FAM81A: variants seen among roughly 807,000 people sequenced by gnomAD.
FAM81A encodes protein FAM81A.
In FAM81A, 19 loss-of-function variants were observed where a neutral mutation model predicts 46.7. The ratio of observed to expected loss-of-function variants is 0.41; its 90% CI spans 0.28 to 0.60. The LOEUF is 0.60. Among genes scored for constraint, FAM81A ranks in the 20% least tolerant of loss-of-function variants. FAM81A has a pLI of 0.34. For missense variants in FAM81A, 377 were observed against 453.5 expected (o/e 0.83, Z 1.53); for synonymous variants, 183 against 152.9 (o/e 1.20, Z -1.45).
At chr15:59,418,395 T>A (rs2081156298) in intron 2 of FAM81A, among the ~76,000 whole-genome samples, 2 of 152,336 alleles carry the variant, frequency 1.3e-5, no homozygotes, top group South Asian at 4.1e-4. Flanking sequence ...CCCTGCCTTT[T>A]CCTGTTTAGA....
chr15:59,477,440 A>G (rs2081786643), intron 3 of FAM81A, among the ~76,000 whole-genome samples: 1 of 152,202 alleles, frequency 6.6e-6, no homozygotes, highest in Non-Finnish European at 1.5e-5. Flanking sequence ...TTAAGATGTG[A>G]AACTTACTGC....
At chr15:59,482,418 G>A (rs899150016) in intron 3 of FAM81A, among the ~76,000 whole-genome samples, 5 of 152,064 alleles carry the variant, frequency 3.3e-5, no homozygotes, top group East Asian at 1.9e-4. Flanking sequence ...ACAGGTGCCC[G>A]CCACCATGCC....
intron 4 of FAM81A, among the ~76,000 whole-genome samples, chr15:59,503,462 A>C (rs1489125393): frequency 1.3e-5 from 2 of 151,976 alleles, no homozygotes; most frequent in Non-Finnish European, 2.9e-5. Context: ...CTGCAACATA[A>C]GTTTTTCCAC....
At chr15:59,483,561 A>C (rs959589641) in intron 3 of FAM81A, among the ~76,000 whole-genome samples, 1 of 152,132 alleles carries the variant, frequency 6.6e-6, no homozygotes, top group East Asian at 1.9e-4. Flanking sequence ...TTACATCTCT[A>C]CTTGGGCTTT....
intron 2 of FAM81A, among the ~76,000 whole-genome samples, chr15:59,423,095 A>G (rs1240829313): frequency 6.6e-6 from 1 of 151,864 alleles, no homozygotes. Context: ...ATTATTTTTT[A>G]TTTTTTAATT....
chr15:59,507,161 C>A, intron 4 of FAM81A, 52 bp from the exon 5 acceptor site: 1 of 1,563,796 alleles, frequency 6.4e-7, no homozygotes, highest in African/African-American at 1.4e-5. Context: ...GAAGCTTTTG[C>A]GCATTGTTTT....
intron 1 of FAM81A, among the ~76,000 whole-genome samples, chr15:59,399,449 T>G (rs1225137092): frequency 6.6e-6 from 1 of 152,024 alleles, no homozygotes; most frequent in African/African-American, 2.4e-5. Context: ...GTGTAGACGA[T>G]TAGCAGTCTC....
intron 2 of FAM81A, among the ~76,000 whole-genome samples, chr15:59,404,269 C>G (rs1469036451): frequency 1.3e-5 from 2 of 152,004 alleles, no homozygotes; most frequent in South Asian, 2.1e-4. Flanking sequence ...ATACACGAGG[C>G]CTAAGTGGGA....
At chr15:59,471,307 C>T (rs1011244969) in intron 3 of FAM81A, among the ~76,000 whole-genome samples, 1 of 152,150 alleles carries the variant, frequency 6.6e-6, no homozygotes, top group Non-Finnish European at 1.5e-5. Context: ...TTGTTAGGCT[C>T]ATATACATTT....
chr15:59,408,125 C>T (rs2081104805), intron 2 of FAM81A: 1 of 158,038 alleles, frequency 6.3e-6, no homozygotes, highest in African/African-American at 2.4e-5. Context: ...GAGCCACCTT[C>T]TTCCCCTTGG....
In FAM81A at chr15:59,514,311, C is replaced by G. The variant is rs1418916316; in HGVS notation, c.673C>G (p.Leu225Val). The G allele has an allele frequency of 6.2e-7, 1 of 1,607,514 alleles. No homozygotes were observed. Residue 225 changes from leucine (L) to valine (V), a missense_variant, in exon 7 of 9, where the codon CTC becomes GTC. By Grantham distance (32) the Leu-to-Val change is conservative. Transcript: ENST00000288228. Reference protein sequence around the residue: ...DTKFKGTVEELSNQILSARSW... With the variant: ...DTKFKGTVEEVSNQILSARSW... ...TAGATTTAAAGGTACAGTTGAGGAA[C>G]TCAGTAACCAGATATTATCTGCACG...
chr15:59,406,983 T>A (rs1596458740), intron 2 of FAM81A: 1 of 163,772 alleles, frequency 6.1e-6, no homozygotes, highest in East Asian at 1.4e-4. Context: ...TGGTGGCAAG[T>A]TCTTTAGCCT....
At chr15:59,507,416 T>G (rs1257548433) in intron 5 of FAM81A, 74 bp downstream of exon 5, 15 of 1,548,522 alleles carry the variant, frequency 9.7e-6, no homozygotes, top group Non-Finnish European at 1.2e-5. Flanking sequence ...TGTTGATTAT[T>G]TCTTACAGGA....
intron 4 of FAM81A, among the ~76,000 whole-genome samples, chr15:59,495,651 CTCCGATTCCTTCACA>C (rs1244536457): frequency 6.6e-6 from 1 of 152,208 alleles, no homozygotes; most frequent in Non-Finnish European, 1.5e-5. Context: ...TGTCTGAGGG[CTCCGATTCCTTCACA>C]TCCTCACTAA....
intron 6 of FAM81A, among the ~76,000 whole-genome samples, chr15:59,513,904 G>A (rs1397017515): frequency 1.1e-4 from 17 of 152,136 alleles, no homozygotes; most frequent in Non-Finnish European, 2.4e-4. Flanking sequence ...CCATAAAAAG[G>A]AATGAGATCA....
intron 3 of FAM81A, among the ~76,000 whole-genome samples, chr15:59,469,805 C>G (rs1387623991): frequency 1.3e-5 from 2 of 152,126 alleles, no homozygotes; most frequent in Non-Finnish European, 2.9e-5. Context: ...AGTTTCTTCA[C>G]AGCATCAATG....
At chr15:59,427,592 C>T (rs1374506754) in intron 2 of FAM81A, among the ~76,000 whole-genome samples, 5 of 151,966 alleles carry the variant, frequency 3.3e-5, no homozygotes, top group Admixed American at 2.0e-4. Flanking sequence ...GCCATTCTAC[C>T]GTCTATCTCC....
intron 6 of FAM81A, among the ~76,000 whole-genome samples, chr15:59,513,338 A>T (rs1463849766): frequency 6.6e-6 from 1 of 152,194 alleles, no homozygotes; most frequent in Non-Finnish European, 1.5e-5. Context: ...TAGGAGGAAG[A>T]GCCTGGGGAA....
chr15:59,470,390 C>A (rs2141675733), intron 3 of FAM81A, among the ~76,000 whole-genome samples: 1 of 152,272 alleles, frequency 6.6e-6, no homozygotes, highest in South Asian at 2.1e-4. Context: ...TTCTTGGAGG[C>A]TTTACTAATT....
Sources: gnomAD v4.1 joint callset for allele counts (sites outside exome capture counted in the v4.1 genomes callset) on GRCh38, gnomAD v4.1.1 for gene constraint, MANE v1.5 for transcripts, NCBI Gene and HGNC (gene_info 2026-07-23, HGNC 2026-07-21) for gene names.